The following NRCAM variants were observed in gnomAD, a reference collection of about 807,000 sequenced individuals.
The protein encoded by NRCAM is neuronal cell adhesion molecule.
A neutral mutation model predicts 156.5 loss-of-function variants in NRCAM; 83 were observed. The observed-to-expected ratio is 0.53, with a 90% CI of 0.44 to 0.64. The LOEUF (loss-of-function observed/expected upper bound fraction) is 0.64. NRCAM is among the 30% of genes least tolerant of loss of function. NRCAM has a pLI of 0.00. For synonymous variants in NRCAM, 538 were observed against 563.9 expected (o/e 0.95, Z 0.65); for missense variants, 1,417 against 1,597.3 (o/e 0.89, Z 1.92).
intron 3 of NRCAM, among the ~76,000 whole-genome samples, chr7:108,295,534 C>A (rs2098437007): frequency 6.6e-6 from 1 of 152,180 alleles, no homozygotes; most frequent in Non-Finnish European, 1.5e-5. Context: ...GGGGCCTCTT[C>A]CTAAAGGCAC....
In NRCAM at chr7:108,225,712, C is replaced by T. The variant is rs983666504; in HGVS notation, c.722-11G>A. On this transcript the variant is annotated splice_polypyrimidine_tract_variant and intron_variant, in intron 9 of 32. Coordinates refer to ENST00000379028, the MANE Select transcript of NRCAM (RefSeq NM_001037132.4). The stretch of plus-strand genomic sequence containing the variant: ...CATTCAATTCATCCACTGAAATAAA[C>T]AGAATATTATGAAGAGGGCATAAAA... 13 of 1,570,288 alleles carry T rather than the reference C, an allele frequency of 8.3e-6. No individual in the cohort carries two copies. The highest frequency in any genetic ancestry group is 1.1e-5 in the Non-Finnish European group (13 of 1,140,572).
intron 13 of NRCAM, among the ~76,000 whole-genome samples, chr7:108,206,239 CAG>C (rs1419766174): frequency 6.6e-6 from 1 of 152,244 alleles, no homozygotes; most frequent in Non-Finnish European, 1.5e-5. Flanking sequence ...TGGTAAGAAA[CAG>C]AGACTTGTGC....
Position 108,178,106 on chromosome 7 carries a change from C to A in NRCAM, c.2858G>T (p.Ser953Ile). The change falls in exon 26 of 33, where the codon AGT (serine) becomes ATT (isoleucine). Residue 953 changes from serine to isoleucine, a missense_variant. This residue lies in a region of NRCAM where 1,238 missense variants were observed against 1,336.4 expected (regional missense o/e 0.93). Transcript: ENST00000379028. Reference protein sequence around the residue: ...RVFNTPEGVPSAPSSLKIVNP... With the variant: ...RVFNTPEGVPIAPSSLKIVNP... Reference sequence around the variant, plus strand: ...CACAATCTTCAAAGACGAGGGAGCACTGGGGACTTACAGTGAGAACTTACA... The same window carrying A: ...CACAATCTTCAAAGACGAGGGAGCAATGGGGACTTACAGTGAGAACTTACA... 1.2e-6 allele frequency: 2 copies of A among 1,611,968 alleles called. No individual in the cohort carries two copies. Among genetic ancestry groups the A allele is most frequent in the Non-Finnish European group, 1.7e-6 (2 of 1,179,150 alleles).
intron 2 of NRCAM, among the ~76,000 whole-genome samples, chr7:108,359,081 T>A (rs1341419324): frequency 6.6e-6 from 1 of 152,206 alleles, no homozygotes; most frequent in Non-Finnish European, 1.5e-5. Context: ...GGATGTAGGC[T>A]ATTTTAGAGT....
At chr7:108,215,935 G>A (rs1473315021) in intron 11 of NRCAM, among the ~76,000 whole-genome samples, 1 of 152,174 alleles carries the variant, frequency 6.6e-6, no homozygotes, top group Non-Finnish European at 1.5e-5. Context: ...TGTTATGTGT[G>A]AATTTGATCC....
chr7:108,429,556 T>G (rs1822154139), intron 1 of NRCAM, among the ~76,000 whole-genome samples: 1 of 152,230 alleles, frequency 6.6e-6, no homozygotes, highest in Non-Finnish European at 1.5e-5. Flanking sequence ...ATTTTTACTT[T>G]GCCAATTGCA....
At chr7:108,173,373 A>G (rs1442086544) in intron 28 of NRCAM, among the ~76,000 whole-genome samples, 1 of 152,214 alleles carries the variant, frequency 6.6e-6, no homozygotes, top group Non-Finnish European at 1.5e-5. Context: ...TTAAATAAAA[A>G]TGTAAAAGAT....
intron 8 of NRCAM, among the ~76,000 whole-genome samples, chr7:108,228,589 T>G (rs373298225): frequency 2.6e-5 from 4 of 152,324 alleles, no homozygotes; most frequent in Admixed American, 1.3e-4. Context: ...ATATTGCAGG[T>G]GCAATTCCAT....
At chr7:108,443,887 G>C (rs1309744068) in intron 1 of NRCAM, among the ~76,000 whole-genome samples, 1 of 150,688 alleles carries the variant, frequency 6.6e-6, no homozygotes, top group Non-Finnish European at 1.5e-5. Flanking sequence ...GATATAGATA[G>C]ATAGATACAT....
Position 108,226,325 on chromosome 7 carries a change from G to T in NRCAM, c.604C>A (p.Leu202Ile). The T allele has an allele frequency of 6.2e-7, 1 of 1,611,502 alleles. No homozygotes were observed. Among genetic ancestry groups the T allele is most frequent in the Non-Finnish European group, 8.5e-7 (1 of 1,178,034 alleles). ...ERVSQGLNGD[L>I]YFSNVLPEDT... is the part of the protein sequence containing the mutation. ...TCTGGGAGGACATTGGAAAAATAAA[G>T]GTCCCCATTCAAACCTTGAGAAACT... Residue 202 changes from leucine to isoleucine, a missense_variant, in exon 9 of 33, where the codon CTT (leucine) becomes ATT (isoleucine). Physicochemically the swap from Leu to Ile is conservative, Grantham distance 5. Around this residue, in one of 2 missense-constraint regions of NRCAM, gnomAD observed 1,238 missense variants for 1,336.4 expected, o/e 0.93. Coordinates refer to ENST00000379028, the MANE Select transcript of NRCAM (RefSeq NM_001037132.4).
intron 11 of NRCAM, among the ~76,000 whole-genome samples, chr7:108,216,003 T>C (rs1369949105): frequency 6.6e-6 from 1 of 152,212 alleles, no homozygotes; most frequent in Non-Finnish European, 1.5e-5. Flanking sequence ...TTCTTCATAG[T>C]GTCGATGGTG....
chr7:108,155,806 T>C (rs1401050292), intron 32 of NRCAM, among the ~76,000 whole-genome samples: 2 of 152,120 alleles, frequency 1.3e-5, no homozygotes, highest in Non-Finnish European at 2.9e-5. Flanking sequence ...TTTTTAAAAA[T>C]TCTAACATAA....
intron 15 of NRCAM, 45 bp downstream of exon 15, chr7:108,195,716 A>G (rs1299543669): frequency 9.3e-7 from 1 of 1,075,884 alleles, no homozygotes; most frequent in Non-Finnish European, 1.4e-6. Context: ...TGAAGCCTTT[A>G]GCAAACATTT....
At chr7:108,357,203 C>A (rs1394007711) in intron 2 of NRCAM, among the ~76,000 whole-genome samples, 1 of 152,150 alleles carries the variant, frequency 6.6e-6, no homozygotes, top group African/African-American at 2.4e-5. Flanking sequence ...ACATTGTAAG[C>A]ATAAAGTATG....
At chr7:108,291,785 A>G (rs998904835) in intron 3 of NRCAM, among the ~76,000 whole-genome samples, 1 of 152,212 alleles carries the variant, frequency 6.6e-6, no homozygotes, top group Non-Finnish European at 1.5e-5. Flanking sequence ...CAACCTGACT[A>G]TAATCTTAAA....
chr7:108,194,504 AG>A, intron 15 of NRCAM, 76 bp from the exon 16 acceptor site: 1 of 963,358 alleles, frequency 1.0e-6, no homozygotes, highest in Non-Finnish European at 1.5e-6. Context: ...GCCATGTTCA[AG>A]GTCAACATGA....
chr7:108,400,919 T>C (rs1237290214), intron 1 of NRCAM, among the ~76,000 whole-genome samples: 2 of 152,100 alleles, frequency 1.3e-5, no homozygotes, highest in Non-Finnish European at 2.9e-5. Flanking sequence ...GTGATGAGGC[T>C]CGTGGCTCTC....
intron 32 of NRCAM, among the ~76,000 whole-genome samples, chr7:108,154,196 T>C (rs2043439378): frequency 6.6e-6 from 1 of 152,160 alleles, no homozygotes; most frequent in Non-Finnish European, 1.5e-5. Context: ...TAAGACATTA[T>C]AGTCTTGGTG....
At chr7:108,270,646 T>C (rs1435358154) in intron 3 of NRCAM, among the ~76,000 whole-genome samples, 3 of 152,176 alleles carry the variant, frequency 2.0e-5, no homozygotes, top group Admixed American at 6.5e-5. Flanking sequence ...CAAGTGTCCA[T>C]CAAAGAATGA....
Sources: gnomAD v4.1 joint callset for allele counts (sites outside exome capture counted in the v4.1 genomes callset) on GRCh38, gnomAD v4.1.1 for gene constraint, gnomAD v4.1.1 regional missense constraint, MANE v1.5 for transcripts, NCBI Gene and HGNC (gene_info 2026-07-23, HGNC 2026-07-21) for gene names.